The following UBE2E2 variants were observed in gnomAD, a reference collection of about 807,000 sequenced individuals.
The protein encoded by UBE2E2 is ubiquitin-conjugating enzyme E2 E2.
In UBE2E2, 6 loss-of-function variants were observed where a neutral mutation model predicts 24.7. The observed-to-expected ratio is 0.24, with a 90% CI of 0.13 to 0.48. UBE2E2 has a LOEUF of 0.48. UBE2E2 is among the 20% of genes least tolerant of loss of function. The pLI, the probability that UBE2E2 is intolerant of heterozygous loss-of-function variation, is 0.99. For missense variants in UBE2E2, 169 were observed against 245.0 expected (o/e 0.69, Z 2.07); for synonymous variants, 104 against 83.6 (o/e 1.24, Z -1.33).
chr3:23,543,442 A>C (rs1197152168), intron 5 of UBE2E2, among the ~76,000 whole-genome samples: 1 of 151,490 alleles, frequency 6.6e-6, no homozygotes, highest in Non-Finnish European at 1.5e-5. Context: ...TCAAATCATG[A>C]ACTCATTTCC....
chr3:23,477,141 A>C (rs1469357750), intron 3 of UBE2E2, among the ~76,000 whole-genome samples: 1 of 151,082 alleles, frequency 6.6e-6, no homozygotes, highest in Non-Finnish European at 1.5e-5. Context: ...AAGAAGTCTT[A>C]CATGAATTAG....
chr3:23,381,876 C>A (rs996839163), intron 3 of UBE2E2, among the ~76,000 whole-genome samples: 1 of 152,094 alleles, frequency 6.6e-6, no homozygotes, highest in African/African-American at 2.4e-5. Flanking sequence ...GGCTGCTTTG[C>A]CCCGGAGAGT....
At chr3:23,451,302 A>G (rs959925081) in intron 3 of UBE2E2, among the ~76,000 whole-genome samples, 2 of 152,226 alleles carry the variant, frequency 1.3e-5, no homozygotes, top group African/African-American at 2.4e-5. Context: ...ATTTAGCTGT[A>G]TATGCATCTA....
intron 3 of UBE2E2, among the ~76,000 whole-genome samples, chr3:23,221,031 T>C (rs1031649420): frequency 6.6e-6 from 1 of 152,228 alleles, no homozygotes; most frequent in African/African-American, 2.4e-5. Context: ...TCAAATGCTA[T>C]TATGATCTGC....
At position 23,552,881 on chromosome 3, in the gene UBE2E2, C is replaced by G. The variant is rs560646900; in HGVS notation, c.508+20180C>G. 2.0e-5 allele frequency among the ~76,000 whole-genome samples: 3 copies of G among 152,250 alleles called. No individual in the cohort carries two copies. The East Asian group carries it at 5.8e-4, about 29-fold the overall frequency. On this transcript the variant is annotated intron_variant, in intron 5 of 5. Transcript: ENST00000396703. Reference sequence around the variant, plus strand: ...GTCTTTATTCCATGCTGTTTTCAATCCAGTCTAAAAACTACCAACATGTGT... The same window carrying G: ...GTCTTTATTCCATGCTGTTTTCAATGCAGTCTAAAAACTACCAACATGTGT...
At chr3:23,369,040 C>T (rs985979442) in intron 3 of UBE2E2, among the ~76,000 whole-genome samples, 1 of 152,158 alleles carries the variant, frequency 6.6e-6, no homozygotes, top group African/African-American at 2.4e-5. Context: ...TTTTTTATAG[C>T]TGCAGAAACT....
At chr3:23,214,569 T>G (rs1009977229) in intron 2 of UBE2E2, among the ~76,000 whole-genome samples, 33 of 147,574 alleles carry the variant, frequency 2.2e-4, no homozygotes, top group South Asian at 6.5e-4. Context: ...GATTTATGAG[T>G]TTTTTTTTTG....
chr3:23,397,249 TG>T (rs1468441966), intron 3 of UBE2E2, among the ~76,000 whole-genome samples: 2 of 152,158 alleles, frequency 1.3e-5, no homozygotes, highest in Non-Finnish European at 2.9e-5. Flanking sequence ...AAGACCTAGT[TG>T]TCATCAAGAA....
intron 5 of UBE2E2, among the ~76,000 whole-genome samples, chr3:23,548,638 C>CT: frequency 6.6e-6 from 1 of 152,300 alleles, no homozygotes; most frequent in Admixed American, 6.5e-5. Context: ...TTCCAGCCTC[C>CT]TGATTTTTCT....
Position 23,323,690 on chromosome 3 carries a change from ACTT to A in UBE2E2, c.227+106381_227+106383del, listed in dbSNP as rs895847881. The A allele has an allele frequency of 7.9e-5, 19 of 240,460 alleles. 1 individual carries two copies. The Admixed American group carries it at 9.7e-4, about 12-fold the overall frequency. The allele number at this position is 240,460 out of a possible 1,614,324, so 14.9% of individuals were successfully genotyped here. The stretch of plus-strand genomic sequence containing the variant: ...GGGCTATTCAACTTGTGTAAGTTAA[ACTT>A]CTCTGAATGCCAGGATTCCTTTTTT... On this transcript the variant is annotated intron_variant, in intron 3 of 5. Coordinates refer to ENST00000396703, the MANE Select transcript of UBE2E2 (RefSeq NM_152653.4).
Position 23,271,136 on chromosome 3 carries a change from T to A in UBE2E2, c.227+53824T>A, listed in dbSNP as rs1698229940. ...TGAGTTTCAGAAACTTGTATTCTAA[T>A]GGACCTTCAAAAGATGGCAAGTATT... On this transcript the variant is annotated intron_variant, in intron 3 of 5. Transcript: ENST00000396703. 4.5e-5 allele frequency: 19 copies of A among 424,230 alleles called. 1 individual carries two copies. Among genetic ancestry groups the A allele is most frequent in the South Asian group, 3.3e-4 (19 of 57,146 alleles). The allele number at this position is 424,230 out of a possible 1,614,324, so 26.3% of individuals were successfully genotyped here.
intron 3 of UBE2E2, among the ~76,000 whole-genome samples, chr3:23,287,788 T>A (rs1371884770): frequency 6.6e-6 from 1 of 151,388 alleles, no homozygotes; most frequent in East Asian, 1.9e-4. Flanking sequence ...TTTTTTTTTT[T>A]ACATCTCTGA....
intron 5 of UBE2E2, among the ~76,000 whole-genome samples, chr3:23,536,961 A>G (rs1695279717): frequency 2.0e-5 from 3 of 152,248 alleles, no homozygotes; most frequent in Admixed American, 2.0e-4. Flanking sequence ...GAGATAATGT[A>G]TAATGAAACC....
chr3:23,387,840 T>C (rs1696837969), intron 3 of UBE2E2, among the ~76,000 whole-genome samples: 1 of 152,206 alleles, frequency 6.6e-6, no homozygotes, highest in South Asian at 2.1e-4. Context: ...AAGTGGCTTG[T>C]CAAATTGCTT....
chr3:23,258,900 G>GAAAAAAAAAAAAAAAAAAAAAAA (rs11333992), intron 3 of UBE2E2, among the ~76,000 whole-genome samples: 1 of 78,904 alleles, frequency 1.3e-5, no homozygotes, highest in Admixed American at 1.8e-4. Context: ...CTCAAAAAAA[G>GAAAAAAAAAAAAAAAAAAAAAAA]AAAAAAAAAA....
chr3:23,383,922 A>G (rs1289488213), intron 3 of UBE2E2, among the ~76,000 whole-genome samples: 2 of 150,454 alleles, frequency 1.3e-5, no homozygotes, highest in African/African-American at 2.4e-5. Context: ...TTTCAGTTTC[A>G]TGCCATATAA....
intron 5 of UBE2E2, among the ~76,000 whole-genome samples, chr3:23,545,202 C>T (rs974675443): frequency 2.6e-5 from 4 of 152,146 alleles, no homozygotes; most frequent in Non-Finnish European, 4.4e-5. Flanking sequence ...CTCCTCAGCA[C>T]AGACCCTTTA....
intron 3 of UBE2E2, among the ~76,000 whole-genome samples, chr3:23,467,185 T>A (rs915804322): frequency 2.0e-5 from 3 of 152,238 alleles, no homozygotes; most frequent in Non-Finnish European, 4.4e-5. Flanking sequence ...TCAGGTAATA[T>A]ACAGTACTAC....
chr3:23,321,837 C>T (rs1694746212), intron 3 of UBE2E2, among the ~76,000 whole-genome samples: 2 of 151,708 alleles, frequency 1.3e-5, no homozygotes. Context: ...TCTTTATACT[C>T]CCATTCTAGA....
Sources: gnomAD v4.1 joint callset for allele counts (sites outside exome capture counted in the v4.1 genomes callset) on GRCh38, gnomAD v4.1.1 for gene constraint, MANE v1.5 for transcripts, NCBI Gene and HGNC (gene_info 2026-07-23, HGNC 2026-07-21) for gene names.